The following SLF1 variants were observed in gnomAD, a reference collection of about 807,000 sequenced individuals.
SLF1 encodes the protein SMC5-SMC6 complex localization factor protein 1.
In SLF1, 105 loss-of-function variants were observed where a neutral mutation model predicts 123.0. That is an observed-to-expected ratio of 0.85 (90% CI 0.73 to 1.00). The LOEUF (loss-of-function observed/expected upper bound fraction) is 1.00. Ranked by LOEUF, SLF1 falls within the 50% of genes least tolerant of loss-of-function variation. The pLI, the probability that SLF1 is intolerant of heterozygous loss-of-function variation, is 0.00. For missense variants in SLF1, 1,239 were observed against 1,223.0 expected (o/e 1.01, Z -0.20); for synonymous variants, 434 against 406.6 (o/e 1.07, Z -0.81).
chr5:94,647,717 A>G (rs554064199), intron 5 of SLF1, among the ~76,000 whole-genome samples: 63 of 152,276 alleles, frequency 4.1e-4, no homozygotes, highest in South Asian at 3.3e-3. Flanking sequence ...TAATTTCTCT[A>G]TATTTCATAA....
chr5:94,636,113 C>T (rs993724348), intron 4 of SLF1, among the ~76,000 whole-genome samples: 2 of 152,190 alleles, frequency 1.3e-5, no homozygotes, highest in African/African-American at 2.4e-5. Flanking sequence ...TCATAGCCCT[C>T]TTTCCTGACT....
chr5:94,683,280 C>T (rs778231478), intron 15 of SLF1, among the ~76,000 whole-genome samples: 1 of 152,140 alleles, frequency 6.6e-6, no homozygotes, highest in East Asian at 1.9e-4. Flanking sequence ...TCATTACTAA[C>T]TCTAAGCCAA....
At position 94,691,616 on chromosome 5, in the gene SLF1, T is replaced by G. The variant is rs1485023170; in HGVS notation, c.2472T>G (p.Ile824Met). The change falls in exon 19 of 21, where the codon ATT (isoleucine) becomes ATG (methionine). Residue 824 changes from isoleucine to methionine, a missense_variant. Ile to Met is a conservative substitution (Grantham distance 10). Coordinates refer to ENST00000265140, the MANE Select transcript of SLF1 (RefSeq NM_032290.4). ...TAAATAACCAAGTGGAGAAATTGAT[T>G]CTTCTTCTCTCTTTGCCAGGAATAG... ...ACINNQVEKLILLLSLPGIDI... is the reference protein window; with the variant it reads ...ACINNQVEKLMLLLSLPGIDI... 3.1e-6 allele frequency: 5 copies of G among 1,611,720 alleles called. No homozygotes were observed. Among genetic ancestry groups the G allele is most frequent in the African/African-American group, 1.3e-5 (1 of 74,600 alleles).
intron 5 of SLF1, among the ~76,000 whole-genome samples, chr5:94,643,821 A>G (rs1746710537): frequency 6.6e-6 from 1 of 152,072 alleles, no homozygotes; most frequent in Non-Finnish European, 1.5e-5. Context: ...CTTGGTGTGG[A>G]TGATGCTCCT....
intron 10 of SLF1, among the ~76,000 whole-genome samples, chr5:94,663,397 A>G (rs772828836): frequency 6.6e-6 from 1 of 152,278 alleles, no homozygotes; most frequent in Non-Finnish European, 1.5e-5. Flanking sequence ...TAATCCCAGC[A>G]CTTTGGGAGG....
At chr5:94,663,687 C>G in intron 10 of SLF1, 63 bp from the exon 11 acceptor site, 2 of 1,247,796 alleles carry the variant, frequency 1.6e-6, no homozygotes, top group South Asian at 3.3e-5. Context: ...CTTACTAATT[C>G]ATGATTTGAT....
intron 1 of SLF1, among the ~76,000 whole-genome samples, chr5:94,620,386 T>TG: frequency 6.6e-6 from 1 of 152,346 alleles, no homozygotes; most frequent in South Asian, 2.1e-4. Flanking sequence ...GTGGATCACG[T>TG]GAAAGTCATT....
chr5:94,675,462 T>A (rs1750937898), intron 14 of SLF1, among the ~76,000 whole-genome samples: 2 of 152,204 alleles, frequency 1.3e-5, no homozygotes, highest in Admixed American at 1.3e-4. Flanking sequence ...TTCTTACTAA[T>A]CTATTTCTAA....
intron 15 of SLF1, among the ~76,000 whole-genome samples, chr5:94,681,092 G>A (rs907998343): frequency 2.6e-5 from 4 of 152,154 alleles, no homozygotes; most frequent in Non-Finnish European, 5.9e-5. Flanking sequence ...CTTCAAATTC[G>A]GTTATAGCTA....
intron 14 of SLF1, among the ~76,000 whole-genome samples, chr5:94,672,908 G>A (rs959335004): frequency 8.5e-5 from 13 of 152,104 alleles, no homozygotes; most frequent in Admixed American, 3.3e-4. Flanking sequence ...GAAACAATAC[G>A]TGATAAAGAC....
Position 94,654,703 on chromosome 5 carries a change from A to G in SLF1, c.1106A>G (p.Asp369Gly). 6.5e-7 allele frequency: 1 copy of G among 1,544,536 alleles called. No homozygotes were observed. Among genetic ancestry groups the G allele is most frequent in the Non-Finnish European group, 8.7e-7 (1 of 1,143,328 alleles). ...SKAMAIKTDV[D>G]VVEIKNTLRK... ...GCCATGGCTATTAAGACAGATGTGG[A>G]TGTTGTTGAAATAAAAAATACCTTA... The change falls in exon 9 of 21, where the codon GAT becomes GGT. Residue 369 changes from aspartate (D) to glycine (G), a missense_variant. Transcript: ENST00000265140.
At position 94,670,975 on chromosome 5, in the gene SLF1, A is replaced by G. The variant is rs2152490246; in HGVS notation, c.1794A>G (p.Ile598Met). The G allele has an allele frequency of 1.9e-6, 3 of 1,548,072 alleles. No individual in the cohort carries two copies. Among genetic ancestry groups the G allele is most frequent in the Non-Finnish European group, 2.6e-6 (3 of 1,144,476 alleles). ...KPVNMLLEWTIYSHKEKFKSN... is the reference protein window; with the variant it reads ...KPVNMLLEWTMYSHKEKFKSN... ...TAAATATGCTTTTGGAATGGACTAT[A>G]TATTCTCACAAGGAAAAATTCAAGT... Residue 598 changes from isoleucine (I) to methionine (M), a missense_variant, in exon 14 of 21, where the codon ATA becomes ATG. Physicochemically the swap from Ile to Met is conservative, Grantham distance 10. Coordinates refer to ENST00000265140, the MANE Select transcript of SLF1 (RefSeq NM_032290.4).
In SLF1 at chr5:94,619,029, A is replaced by G. The variant is rs943730780; in HGVS notation, c.-1+264A>G. On this transcript the variant is annotated intron_variant, in intron 1 of 20. Transcript: ENST00000265140. ...CGCCCGTGCCGCTGCGGGGACTGCC[A>G]CCGAGCGCCCCTCTGCAGTACTGGG... 1.1e-4 allele frequency among the ~76,000 whole-genome samples: 17 copies of G among 152,164 alleles called. No individual in the cohort carries two copies. In the East Asian group the frequency reaches 3.3e-3, roughly 30 times the overall value.
At chr5:94,634,810 G>A (rs1745571948) in intron 4 of SLF1, among the ~76,000 whole-genome samples, 1 of 152,114 alleles carries the variant, frequency 6.6e-6, no homozygotes. Flanking sequence ...GTGATATTGA[G>A]CATTTAAAAA....
chr5:94,675,985 G>A (rs554554475), intron 14 of SLF1, among the ~76,000 whole-genome samples: 2 of 135,848 alleles, frequency 1.5e-5, no homozygotes, highest in South Asian at 2.4e-4. Context: ...GCTTCACTTT[G>A]TGGGCTAACA....
At chr5:94,664,345 A>G (rs1749499666) in intron 11 of SLF1, among the ~76,000 whole-genome samples, 1 of 152,182 alleles carries the variant, frequency 6.6e-6, no homozygotes, top group Non-Finnish European at 1.5e-5. Context: ...TCCAGGCTGG[A>G]CTGCAGTGGT....
chr5:94,647,682 ATAAAAATGACTATTTATAGT>A lies in SLF1; in HGVS notation c.595-1767_595-1748del, dbSNP rs1747216386. ...GTTGACACTAAGATACTTATAAGGA[ATAAAAATGACTATTTATAGT>A]TAAATAATTTCTCTATATTTCATAA... is the stretch of plus-strand genomic sequence containing the variant. On this transcript the variant is annotated intron_variant, in intron 5 of 20. Transcript: ENST00000265140. 2.0e-5 allele frequency among the ~76,000 whole-genome samples: 3 copies of A among 152,246 alleles called. No individual in the cohort carries two copies. The South Asian group carries it at 6.2e-4, about 31-fold the overall frequency.
intron 6 of SLF1, 82 bp from the exon 7 acceptor site, chr5:94,651,620 T>G: frequency 2.5e-6 from 3 of 1,205,912 alleles, no homozygotes; most frequent in Non-Finnish European, 3.3e-6. Flanking sequence ...CTGGATGGGT[T>G]TTTCTTTTGT....
chr5:94,638,303 C>T (rs571156955), intron 4 of SLF1, among the ~76,000 whole-genome samples: 4 of 152,178 alleles, frequency 2.6e-5, no homozygotes, highest in African/African-American at 9.6e-5. Flanking sequence ...CTCAGCCTCC[C>T]GAGTAGCTGG....
Sources: allele counts gnomAD v4.1 joint callset (sites outside exome capture counted in the v4.1 genomes callset), GRCh38; gene constraint gnomAD v4.1.1; transcripts MANE v1.5; gene names NCBI Gene and HGNC (gene_info 2026-07-23, HGNC 2026-07-21).